The following CD244 variants were observed in gnomAD, a reference collection of about 807,000 sequenced individuals.
CD244 encodes CD244 molecule.
Under a neutral mutation model 45.5 loss-of-function variants are expected in CD244, and 20 were observed. The ratio of observed to expected loss-of-function variants is 0.44; its 90% confidence interval spans 0.31 to 0.64. The LOEUF (loss-of-function observed/expected upper bound fraction) is 0.64, where lower values mean the gene tolerates loss of function less well. Among genes scored for constraint, CD244 ranks in the 30% least tolerant of loss-of-function variants. The pLI is 0.08. For synonymous variants in CD244, 185 were observed against 160.5 expected (o/e 1.15, Z -1.15); for missense variants, 407 against 426.9 (o/e 0.95, Z 0.41).
chr1:160,837,904 C>G (rs937981127), intron 5 of CD244, among the ~76,000 whole-genome samples: 1 of 152,212 alleles, frequency 6.6e-6, no homozygotes, highest in Non-Finnish European at 1.5e-5. Context: ...GAAGAGCAGG[C>G]GAGAGGCTCC....
intron 5 of CD244, 88 bp from the exon 6 acceptor site, chr1:160,836,342 A>C: frequency 1.1e-6 from 1 of 951,462 alleles, no homozygotes; most frequent in East Asian, 2.5e-5. Context: ...CACAAAGAAG[A>C]GGGCTTTTCA....
intron 5 of CD244, 97 bp from the exon 6 acceptor site, chr1:160,836,351 C>G (rs1669333705): frequency 8.9e-6 from 8 of 895,484 alleles, no homozygotes; most frequent in Non-Finnish European, 3.7e-6. Flanking sequence ...GAGGGCTTTT[C>G]AGGAGACTGG....
chr1:160,854,909 A>G (rs1364020239), intron 1 of CD244, among the ~76,000 whole-genome samples: 1 of 152,226 alleles, frequency 6.6e-6, no homozygotes, highest in African/African-American at 2.4e-5. Context: ...TAAAGGTAGG[A>G]AGCCCACAGA....
intron 1 of CD244, among the ~76,000 whole-genome samples, chr1:160,860,102 G>A (rs561317499): frequency 1.3e-5 from 2 of 152,272 alleles, no homozygotes; most frequent in East Asian, 3.9e-4. Context: ...AGCTACTCGG[G>A]AGGCTGAGGC....
At chr1:160,837,501 T>TA (rs1557832772) in intron 5 of CD244, among the ~76,000 whole-genome samples, 1 of 151,890 alleles carries the variant, frequency 6.6e-6, no homozygotes, top group Non-Finnish European at 1.5e-5. Context: ...TAAATAAAGA[T>TA]AAAAATAAAA....
At chr1:160,851,880 A>C (rs1669932343) in intron 1 of CD244, among the ~76,000 whole-genome samples, 1 of 152,206 alleles carries the variant, frequency 6.6e-6, no homozygotes, top group African/African-American at 2.4e-5. Context: ...ACACACAAAA[A>C]TAAATCACTA....
intron 1 of CD244, among the ~76,000 whole-genome samples, chr1:160,861,873 T>C (rs1474209485): frequency 6.6e-6 from 1 of 151,938 alleles, no homozygotes; most frequent in Non-Finnish European, 1.5e-5. Flanking sequence ...AAAAATGAAA[T>C]AAATAAATTA....
chr1:160,844,763 T>C (rs1669672159), intron 1 of CD244, among the ~76,000 whole-genome samples: 1 of 152,112 alleles, frequency 6.6e-6, no homozygotes, highest in Non-Finnish European at 1.5e-5. Context: ...TCACTCAAGG[T>C]CGGGAGTTCG....
At chr1:160,859,837 G>A (rs1031028745) in intron 1 of CD244, among the ~76,000 whole-genome samples, 1 of 151,936 alleles carries the variant, frequency 6.6e-6, no homozygotes, top group Non-Finnish European at 1.5e-5. Context: ...TTGAGCCTGC[G>A]AGGTCGAGGC....
Position 160,841,607 on chromosome 1 carries a change from G to A in CD244, c.356C>T (p.Ala119Val). ...ACCAAATACAAAAACCTGGAACGTG[G>A]CTGTCTGAACTTTTCCAGATATACT... ...VTSISGKVQT[A>V]TFQVFVFDKV... The change falls in exon 2 of 9, where the codon GCC becomes GTC. Residue 119 changes from alanine to valine, a missense_variant. Physicochemically the swap from Ala to Val is moderately conservative, Grantham distance 64 (BLOSUM62 0). Coordinates refer to ENST00000368034, the MANE Select transcript of CD244 (RefSeq NM_016382.4). 6.2e-7 allele frequency: 1 copy of A among 1,614,108 alleles called. No homozygotes were observed. Among genetic ancestry groups the A allele is most frequent in the South Asian group, 1.1e-5 (1 of 91,084 alleles).
intron 1 of CD244, among the ~76,000 whole-genome samples, chr1:160,854,254 G>A (rs12131917): frequency 0.025 from 3,802 of 152,290 alleles, 79 homozygotes; most frequent in Non-Finnish European, 0.04. Context: ...GAAAAATAAC[G>A]TAAACTCCCA....
In CD244 at chr1:160,862,690, G is replaced by C. The variant is rs755368778; in HGVS notation, c.-13C>G. ...CTTGCCCCAGCATTTCCACAGGACA[G>C]AGGGGCCAGGCCAGCCCCTCCACCC... On this transcript the variant is annotated 5_prime_UTR_variant, in exon 1 of 9. Transcript: ENST00000368034. 3 of 1,613,332 alleles carry C rather than the reference G, an allele frequency of 1.9e-6. No homozygotes were observed. In the East Asian group the frequency reaches 6.7e-5, roughly 36 times the overall value.
chr1:160,858,354 G>C (rs1281114595), intron 1 of CD244, among the ~76,000 whole-genome samples: 1 of 152,114 alleles, frequency 6.6e-6, no homozygotes, highest in African/African-American at 2.4e-5. Context: ...CACAATCTAC[G>C]CAAACAGCTG....
chr1:160,832,198 C>T (rs115454268), intron 8 of CD244, among the ~76,000 whole-genome samples: 2,638 of 152,230 alleles, frequency 0.017, 89 homozygotes, highest in African/African-American at 0.06. Context: ...CTGACCCCTC[C>T]TCCGAACACT....
chr1:160,841,544 G>A, intron 2 of CD244, 40 bp downstream of exon 2: 1 of 1,611,870 alleles, frequency 6.2e-7, no homozygotes, highest in Non-Finnish European at 8.5e-7. Context: ...GAGGCCTATA[G>A]GAATCAGAGA....
chr1:160,844,794 G>A (rs1246236895), intron 1 of CD244, among the ~76,000 whole-genome samples: 2 of 151,996 alleles, frequency 1.3e-5, no homozygotes, highest in Non-Finnish European at 2.9e-5. Context: ...GGCCAACATG[G>A]TAAAACCTCG....
rs202023689 is a variant in CD244, at chr1:160,841,198, T to C, written c.655+12A>G. On this transcript the variant is annotated intron_variant, in intron 3 of 8. Transcript: ENST00000368034. ...CTTCAGCGCTTGTTATAGCCCAGTG[T>C]GTTCCACTTACCCTGATGGGCATTC... 9.3e-6 allele frequency: 15 copies of C among 1,613,870 alleles called. No homozygotes were observed. In the Admixed American group the frequency reaches 2.5e-4, roughly 27 times the overall value.
At chr1:160,849,214 G>A (rs1171852103) in intron 1 of CD244, among the ~76,000 whole-genome samples, 5 of 151,896 alleles carry the variant, frequency 3.3e-5, no homozygotes, top group African/African-American at 1.2e-4. Flanking sequence ...TGATGTGGGA[G>A]CAGAGGAAAA....
At position 160,846,720 on chromosome 1, in the gene CD244, T is replaced by A. The variant is rs190152262; in HGVS notation, c.62-4819A>T. On this transcript the variant is annotated intron_variant, in intron 1 of 8. Transcript: ENST00000368034. ...GAAATAAAGACATTTTTAGAAAAAA[T>A]TAAAAACGGAAAGAATTTGTCACAA... Among the ~76,000 whole-genome samples the A allele has an allele frequency of 1.5e-4, 22 of 151,674 alleles. No individual in the cohort carries two copies. In the East Asian group the frequency reaches 2.1e-3, roughly 15 times the overall value.
Sources: allele counts gnomAD v4.1 joint callset (sites outside exome capture counted in the v4.1 genomes callset), GRCh38; gene constraint gnomAD v4.1.1; transcripts MANE v1.5; gene names NCBI Gene and HGNC (gene_info 2026-07-23, HGNC 2026-07-21).